Variants in MECR observed in about 807,000 individuals in gnomAD.
MECR encodes the protein mitochondrial trans-2-enoyl-CoA reductase.
Under a neutral mutation model 49.1 loss-of-function variants are expected in MECR, and 37 were observed. The ratio of observed to expected loss-of-function variants is 0.75; its 90% CI spans 0.58 to 0.99. MECR has a LOEUF of 0.99. Ranked by LOEUF, MECR falls within the 50% of genes least tolerant of loss-of-function variation. The pLI, the probability that MECR is intolerant of heterozygous loss-of-function variation, is 0.00. For synonymous variants in MECR, 198 were observed against 191.1 expected, an observed-to-expected ratio of 1.04 and a Z score of -0.30; for missense variants, 470 against 479.6, an observed-to-expected ratio of 0.98 and a Z score of 0.19.
Position 29,201,660 on chromosome 1 carries a change from A to T in MECR, c.756+283T>A. 4 of 532,460 alleles carry T rather than the reference A, an allele frequency of 7.5e-6. No individual in the cohort carries two copies. The highest frequency in any genetic ancestry group is 1.4e-5 in the Non-Finnish European group (4 of 292,980). 33.0% of individuals were successfully genotyped at this position (532,460 alleles called of 1,614,324 possible). On this transcript the variant is annotated intron_variant, in intron 6 of 9. Transcript: ENST00000263702. The surrounding 1 kb of genome is among the most constrained non-coding windows in gnomAD (Gnocchi z 4.3). ...CTCAGGTCCTCTCCTGCCAGTTCTAAGAGTCACACATGTGGGCTGATGCGG... is the reference window on the plus strand; with the variant it reads ...CTCAGGTCCTCTCCTGCCAGTTCTATGAGTCACACATGTGGGCTGATGCGG...
chr1:29,206,399 T>C (rs1410788856), intron 4 of MECR, among the ~76,000 whole-genome samples: 5 of 152,232 alleles, frequency 3.3e-5, no homozygotes, highest in East Asian at 1.9e-4. Context: ...AGTGGAATTA[T>C]TAACACTAAG....
At chr1:29,224,613 T>C (rs1198640317) in intron 1 of MECR, 3 of 150,152 alleles carry the variant, frequency 2.0e-5, no homozygotes, top group African/African-American at 4.9e-5. Flanking sequence ...GATAAAGAGG[T>C]GTGTAGGTTT....
In MECR at chr1:29,201,561, A is replaced by G. The variant is rs765298306; in HGVS notation, c.756+382T>C. On this transcript the variant is annotated intron_variant, in intron 6 of 9. Transcript: ENST00000263702. The surrounding 1 kb of genome is among the most constrained non-coding windows in gnomAD (Gnocchi z 4.3). ...GTTCCTTTGAAAAGCTTTTGTGGAA[A>G]TCATCAGATAAAATGTAAGGCAGGT... 16 of 458,930 alleles carry G rather than the reference A, an allele frequency of 3.5e-5. No individual in the cohort carries two copies. In the Admixed American group the frequency reaches 4.5e-4, roughly 13 times the overall value. 28.4% of individuals were successfully genotyped at this position (458,930 alleles called of 1,614,324 possible). A position where few individuals can be genotyped will look rare whatever the true frequency, so the allele number is the denominator to read the frequency against.
chr1:29,174,887 T>C, the MECR span, among the ~76,000 whole-genome samples: 1 of 151,210 alleles, frequency 6.6e-6, no homozygotes, highest in African/African-American at 2.4e-5. Context: ...TTGGCCAGGA[T>C]GGTCTCAATC....
intron 2 of MECR, 145 bp from the exon 3 acceptor site, chr1:29,216,281 C>G: frequency 1.1e-6 from 1 of 902,574 alleles, no homozygotes; most frequent in Non-Finnish European, 1.7e-6. Flanking sequence ...GCTTGCTTGT[C>G]TGTATAGGGG....
chr1:29,185,070 G>A, the MECR span, among the ~76,000 whole-genome samples: 1 of 152,044 alleles, frequency 6.6e-6, no homozygotes, highest in East Asian at 2.0e-4. Flanking sequence ...AGGCTGCAGT[G>A]AGCCAAGATT....
At chr1:29,227,637 A>G (rs893445481) in intron 1 of MECR, among the ~76,000 whole-genome samples, 1 of 152,158 alleles carries the variant, frequency 6.6e-6, no homozygotes, top group African/African-American at 2.4e-5. Context: ...TGTGGCCCAC[A>G]GCGCAAGCAT....
intron 8 of MECR, 53 bp from the exon 9 acceptor site, chr1:29,196,066 C>G (rs753217901): frequency 1.2e-6 from 2 of 1,603,800 alleles, no homozygotes; most frequent in Admixed American, 3.3e-5. Context: ...CTTCAGGTAC[C>G]GCTTAAGGGT....
chr1:29,177,221 T>C, the MECR span, among the ~76,000 whole-genome samples: 3 of 151,962 alleles, frequency 2.0e-5, no homozygotes, highest in Non-Finnish European at 4.4e-5. Flanking sequence ...CTGCTAATAT[T>C]GTTGCTTCCT....
At chr1:29,216,960 A>T in intron 1 of MECR, 1 of 442,824 alleles carries the variant, frequency 2.3e-6, no homozygotes, top group East Asian at 6.4e-5. Context: ...CATGGTGAAA[A>T]CCTGTCTCTA....
At chr1:29,197,070 C>T (rs1044405301) in intron 7 of MECR, among the ~76,000 whole-genome samples, 1 of 152,076 alleles carries the variant, frequency 6.6e-6, no homozygotes, top group Admixed American at 6.6e-5. Flanking sequence ...AATCAGGAGA[C>T]GAGAATGTAT....
intron 4 of MECR, among the ~76,000 whole-genome samples, chr1:29,204,411 T>TC (rs112465525): frequency 4.9e-4 from 75 of 151,982 alleles, no homozygotes; most frequent in African/African-American, 1.7e-3. Context: ...GTACAGGTTG[T>TC]CACCCACCAG....
At chr1:29,182,650 T>G in the MECR span, among the ~76,000 whole-genome samples, 4 of 152,006 alleles carry the variant, frequency 2.6e-5, no homozygotes, top group Non-Finnish European at 4.4e-5. Flanking sequence ...TTCAAGCGAT[T>G]CTCCTGCCTC....
At chr1:29,213,043 G>A (rs1461118372) in intron 3 of MECR, among the ~76,000 whole-genome samples, 1 of 152,216 alleles carries the variant, frequency 6.6e-6, no homozygotes, top group Non-Finnish European at 1.5e-5. Context: ...ACTTCTCTGG[G>A]AAGCCTTTCT....
chr1:29,189,930 T>C (rs112123976), downstream of MECR, among the ~76,000 whole-genome samples: 120 of 152,334 alleles, frequency 7.9e-4, no homozygotes, highest in African/African-American at 2.3e-3. Flanking sequence ...AGTTAAACCA[T>C]TGAATTTGTA....
chr1:29,186,502 G>A, the MECR span, among the ~76,000 whole-genome samples: 1 of 152,124 alleles, frequency 6.6e-6, no homozygotes, highest in African/African-American at 2.4e-5. Flanking sequence ...CTGGTCTCAG[G>A]GGCCATGTTT....
intron 3 of MECR, among the ~76,000 whole-genome samples, chr1:29,207,146 G>A (rs188333066): frequency 2.0e-5 from 3 of 152,084 alleles, no homozygotes; most frequent in African/African-American, 7.2e-5. Context: ...TTTGGAGACA[G>A]AGTCTTGCTC....
Position 29,194,152 on chromosome 1 carries a change from AG to A in MECR, c.991del (p.Leu331CysfsTer31). 1 of 1,612,514 alleles carries A rather than the reference AG, an allele frequency of 6.2e-7. No homozygotes were observed. The highest frequency in any genetic ancestry group is 8.5e-7 in the Non-Finnish European group (1 of 1,179,314). On this transcript the variant is annotated frameshift_variant, in exon 10 of 10. Coordinates refer to ENST00000263702, the MANE Select transcript of MECR (RefSeq NM_016011.5). LOFTEE classifies it high-confidence loss of function. ...PDQFKELILT[L>X]CDLIRRGQLT... ...CTGGCCTCGGCGGATGAGATCGCAC[AG>A]TGTGAGGATCAGCTCCTTGAACTGG... is the stretch of plus-strand genomic sequence containing the variant.
chr1:29,173,075 A>G, the MECR span: 1 of 151,732 alleles, frequency 6.6e-6, no homozygotes, highest in Non-Finnish European at 1.5e-5. Flanking sequence ...ATGCTTTCAT[A>G]ATATCTAAAT....
Sources: gnomAD v4.1 joint callset for allele counts (sites outside exome capture counted in the v4.1 genomes callset) on GRCh38, gnomAD v4.1.1 for gene constraint, Gnocchi (gnomAD v3.1) non-coding constraint, MANE v1.5 for transcripts, NCBI Gene and HGNC (gene_info 2026-07-23, HGNC 2026-07-21) for gene names.